The following STPG1 variants were observed in gnomAD, a reference collection of about 807,000 sequenced individuals.
STPG1 encodes the protein sperm tail PG-rich repeat containing 1.
STPG1 carries 33 observed loss-of-function variants against 40.1 expected under a neutral mutation model. The observed-to-expected ratio is 0.82, with a 90% confidence interval of 0.62 to 1.10. The LOEUF (loss-of-function observed/expected upper bound fraction) is 1.10. Ranked by LOEUF, STPG1 falls within the 50% of genes least tolerant of loss-of-function variation. The probability of loss-of-function intolerance (pLI) is 0.00; values close to 1 mark genes in which losing one functional copy is unlikely to be tolerated. For missense variants in STPG1, 396 were observed against 415.1 expected, an observed-to-expected ratio of 0.95 and a Z score of 0.40; for synonymous variants, 150 against 155.0, an observed-to-expected ratio of 0.97 and a Z score of 0.24.
At chr1:24,410,809 A>G (rs998421549) in intron 1 of STPG1, 6 of 152,040 alleles carry the variant, frequency 3.9e-5, no homozygotes, top group Non-Finnish European at 8.8e-5. Flanking sequence ...GATGGCATGG[A>G]CCTAGAATCT....
intron 1 of STPG1, among the ~76,000 whole-genome samples, chr1:24,403,983 T>C (rs1448989964): frequency 1.3e-5 from 2 of 152,214 alleles, no homozygotes; most frequent in African/African-American, 2.4e-5. Flanking sequence ...AGTACAATAC[T>C]GAACAGAAGT....
intron 7 of STPG1, among the ~76,000 whole-genome samples, chr1:24,368,052 G>T (rs1013357416): frequency 6.6e-6 from 1 of 152,098 alleles, no homozygotes; most frequent in African/African-American, 2.4e-5. Context: ...CAGCCTGGAG[G>T]CGGGAGGTCT....
At chr1:24,391,512 G>A in intron 3 of STPG1, 49 bp downstream of exon 3, 1 of 1,213,232 alleles carries the variant, frequency 8.2e-7, no homozygotes, top group Non-Finnish European at 1.2e-6. Context: ...TGTCCCGCAA[G>A]GCTAAAATCC....
At chr1:24,413,450 C>A (rs1258332985) in intron 1 of STPG1, among the ~76,000 whole-genome samples, 2 of 152,264 alleles carry the variant, frequency 1.3e-5, no homozygotes, top group Non-Finnish European at 2.9e-5. Flanking sequence ...CCCCAGTTGT[C>A]ACCACTTTTC....
intron 1 of STPG1, among the ~76,000 whole-genome samples, chr1:24,406,961 G>A (rs535605747): frequency 1.3e-5 from 2 of 152,206 alleles, no homozygotes; most frequent in African/African-American, 2.4e-5. Flanking sequence ...ACCACTATCC[G>A]TCTCTGTAAA....
In STPG1 at chr1:24,392,078, A is replaced by G. The variant is rs563601571; in HGVS notation, c.71-399T>C. The G allele has an allele frequency of 2.7e-5, 27 of 995,544 alleles. No individual in the cohort carries two copies. In the African/African-American group the frequency reaches 4.2e-4, roughly 15 times the overall value. The allele number at this position is 995,544 out of a possible 1,614,324, so 61.7% of individuals were successfully genotyped here. A position where few individuals can be genotyped will look rare whatever the true frequency, so the allele number is the denominator to read the frequency against. ...TCACTGCTCCTTGGCCTAGATTCAG[A>G]CACCAGCATTAGGCCGTTAAAATCC... On this transcript the variant is annotated intron_variant, in intron 2 of 8. Coordinates refer to ENST00000337248, the MANE Select transcript of STPG1 (RefSeq NM_001199013.2).
intron 3 of STPG1, among the ~76,000 whole-genome samples, chr1:24,390,724 C>A (rs767293566): frequency 6.7e-6 from 1 of 149,822 alleles, no homozygotes; most frequent in Non-Finnish European, 1.5e-5. Context: ...CGGCTAATAA[C>A]ACATTGTTTA....
chr1:24,410,053 C>T (rs1226114060), intron 1 of STPG1, among the ~76,000 whole-genome samples: 2 of 152,136 alleles, frequency 1.3e-5, no homozygotes, highest in Non-Finnish European at 2.9e-5. Context: ...GGTGCTTCAC[C>T]TCAAACTATA....
At chr1:24,397,495 G>A (rs489998) in intron 2 of STPG1, among the ~76,000 whole-genome samples, 105,766 of 151,882 alleles carry the variant, frequency 0.7, 37,754 homozygotes, top group African/African-American at 0.88. Context: ...CTAGAGGTCA[G>A]CAGCCCTCAT....
chr1:24,383,708 G>A (rs74944455), intron 4 of STPG1, among the ~76,000 whole-genome samples, 194 bp downstream of exon 4: 4,358 of 152,264 alleles, frequency 0.029, 195 homozygotes, highest in African/African-American at 0.099. Context: ...CCTGGCAGTG[G>A]GTAGAGATGG....
At chr1:24,396,743 T>C (rs1643022542) in intron 2 of STPG1, among the ~76,000 whole-genome samples, 1 of 152,042 alleles carries the variant, frequency 6.6e-6, no homozygotes, top group African/African-American at 2.4e-5. Flanking sequence ...ATTGAAGCAT[T>C]AAAAATAATA....
chr1:24,385,352 G>C lies in STPG1; in HGVS notation c.190-1349C>G, dbSNP rs143754732. ...TAGGTGAGAATGATCCCCGGTGGAC[G>C]GAAGAGGAACTGACTGCCATGGAGA... On this transcript the variant is annotated intron_variant, in intron 3 of 8. Transcript: ENST00000337248. 2.0e-4 allele frequency among the ~76,000 whole-genome samples: 31 copies of C among 152,316 alleles called. No individual in the cohort carries two copies. The East Asian group carries it at 6.0e-3, about 29-fold the overall frequency.
intron 1 of STPG1, among the ~76,000 whole-genome samples, chr1:24,412,479 T>A (rs960458297): frequency 2.0e-5 from 3 of 150,340 alleles, no homozygotes; most frequent in Admixed American, 2.0e-4. Flanking sequence ...CAACATTATA[T>A]TGTATGTTTA....
rs1640932007 is a variant in STPG1 at position 24,359,287 on chromosome 1, G to A, written c.929-668C>T. On this transcript the variant is annotated intron_variant, in intron 8 of 8. Coordinates refer to ENST00000337248, the MANE Select transcript of STPG1 (RefSeq NM_001199013.2). The surrounding 1 kb of genome is among the most constrained non-coding windows in gnomAD (Gnocchi z 5.3). ...AGGAGCTGCCTGTCTCTGTGTGCCA[G>A]GTGCCTAGCACCACATACGGCATGG... is the stretch of plus-strand genomic sequence containing the variant. Among the ~76,000 whole-genome samples the A allele has an allele frequency of 1.3e-5, 2 of 152,234 alleles. No homozygotes were observed. The highest frequency in any genetic ancestry group is 2.9e-5 in the Non-Finnish European group (2 of 68,044).
intron 7 of STPG1, chr1:24,364,326 C>T: frequency 6.5e-7 from 1 of 1,549,418 alleles, no homozygotes; most frequent in East Asian, 2.4e-5. Flanking sequence ...CAAATCCCAG[C>T]CCCACCACCG....
intron 7 of STPG1, among the ~76,000 whole-genome samples, chr1:24,368,499 C>T (rs1489991381): frequency 6.6e-6 from 1 of 152,198 alleles, no homozygotes; most frequent in Admixed American, 6.5e-5. Context: ...AACAGGAGGA[C>T]TAACCCTAAC....
At chr1:24,367,779 G>A (rs1020619091) in intron 7 of STPG1, among the ~76,000 whole-genome samples, 8 of 152,198 alleles carry the variant, frequency 5.3e-5, no homozygotes, top group East Asian at 3.8e-4. Context: ...CTCCCAAAAT[G>A]CTGGGATTAC....
intron 7 of STPG1, among the ~76,000 whole-genome samples, chr1:24,364,992 G>A (rs976296058): frequency 3.9e-5 from 6 of 152,290 alleles, no homozygotes; most frequent in South Asian, 2.1e-4. Context: ...ACATTCACTC[G>A]CCTCAGGGAT....
intron 2 of STPG1, among the ~76,000 whole-genome samples, chr1:24,395,462 T>G (rs1192550370): frequency 6.8e-6 from 1 of 146,696 alleles, no homozygotes. Context: ...AGACGGAGTC[T>G]CGTTCTTGCG....
Sources: gnomAD v4.1 joint callset for allele counts (sites outside exome capture counted in the v4.1 genomes callset) on GRCh38, gnomAD v4.1.1 for gene constraint, Gnocchi (gnomAD v3.1) non-coding constraint, MANE v1.5 for transcripts, NCBI Gene and HGNC (gene_info 2026-07-23, HGNC 2026-07-21) for gene names.